The following TNFSF11 variants were observed in gnomAD, a reference collection of about 807,000 sequenced individuals.
TNFSF11 encodes the protein tumor necrosis factor ligand superfamily member 11.
In TNFSF11, 12 loss-of-function variants were observed where a neutral mutation model predicts 32.2. The ratio of observed to expected loss-of-function variants is 0.37; its 90% confidence interval spans 0.24 to 0.60. The LOEUF is 0.60. Ranked by LOEUF, TNFSF11 falls within the 20% of genes least tolerant of loss-of-function variation. The probability of loss-of-function intolerance (pLI) is 0.66; values close to 1 mark genes in which losing one functional copy is unlikely to be tolerated. For synonymous variants in TNFSF11, 172 were observed against 152.1 expected, an observed-to-expected ratio of 1.13 and a Z score of -0.96; for missense variants, 345 against 398.0, an observed-to-expected ratio of 0.87 and a Z score of 1.13.
chr13:42,574,591 G>C, intron 1 of TNFSF11, 69 bp downstream of exon 1: 1 of 1,548,814 alleles, frequency 6.5e-7, no homozygotes. Context: ...CTTGGAAACT[G>C]AGTCTGGCGG....
In TNFSF11 at chr13:42,606,980, C is replaced by A; in HGVS notation, c.*62C>A. ...TTTGGAAACATTTTTTAAAACAAGCCAAGAAAGATGTATATAGGTGTGTGA... is the reference window on the plus strand; with the variant it reads ...TTTGGAAACATTTTTTAAAACAAGCAAAGAAAGATGTATATAGGTGTGTGA... On this transcript the variant is annotated 3_prime_UTR_variant, in exon 5 of 5. Transcript: ENST00000398795. The A allele has an allele frequency of 1.9e-6, 3 of 1,599,856 alleles. No homozygotes were observed. The highest frequency in any genetic ancestry group is 1.7e-6 in the Non-Finnish European group (2 of 1,170,434).
intron 2 of TNFSF11, among the ~76,000 whole-genome samples, chr13:42,593,448 A>G (rs1478186434): frequency 6.6e-6 from 1 of 152,124 alleles, no homozygotes; most frequent in Non-Finnish European, 1.5e-5. Context: ...CAGGAAGAGG[A>G]GGTAGGAAGC....
chr13:42,600,640 C>A, intron 2 of TNFSF11, 112 bp from the exon 3 acceptor site: 1 of 1,180,952 alleles, frequency 8.5e-7, no homozygotes, highest in Non-Finnish European at 1.2e-6. Flanking sequence ...TACTATGGCA[C>A]CTTTGGAAGG....
chr13:42,599,673 G>T (rs571467988), intron 2 of TNFSF11, among the ~76,000 whole-genome samples: 1 of 152,036 alleles, frequency 6.6e-6, no homozygotes, highest in South Asian at 2.1e-4. Context: ...CGGTTCAAGC[G>T]ATTCGCCTGC....
intron 2 of TNFSF11, among the ~76,000 whole-genome samples, chr13:42,568,742 C>T (rs1422062191): frequency 2.0e-5 from 3 of 152,162 alleles, no homozygotes; most frequent in South Asian, 2.1e-4. Flanking sequence ...ACAAAGCCCA[C>T]CAGTTTCATA....
upstream of TNFSF11, among the ~76,000 whole-genome samples, chr13:42,571,978 C>T (rs78468915): frequency 7.8e-3 from 1,186 of 152,264 alleles, 16 homozygotes; most frequent in African/African-American, 0.026. Flanking sequence ...AATAATACAG[C>T]AAGAGTCGTT....
At chr13:42,589,095 G>T (rs1295812480) in intron 2 of TNFSF11, among the ~76,000 whole-genome samples, 2 of 152,082 alleles carry the variant, frequency 1.3e-5, no homozygotes, top group South Asian at 2.1e-4. Context: ...AAACCCTAAG[G>T]CTCATATTCA....
At chr13:42,584,232 G>T (rs181272366) in intron 2 of TNFSF11, among the ~76,000 whole-genome samples, 23 of 152,332 alleles carry the variant, frequency 1.5e-4, no homozygotes, top group Non-Finnish European at 2.6e-4. Context: ...GGCTTACTGT[G>T]TGTCTCTCTG....
At chr13:42,594,183 G>C (rs553557105) in intron 2 of TNFSF11, among the ~76,000 whole-genome samples, 2 of 151,928 alleles carry the variant, frequency 1.3e-5, no homozygotes, top group African/African-American at 4.8e-5. Context: ...GGGCTCAAGC[G>C]ATCTCGTGCC....
chr13:42,606,034 C>T (rs1435390062), intron 4 of TNFSF11, among the ~76,000 whole-genome samples: 1 of 152,174 alleles, frequency 6.6e-6, no homozygotes, highest in Non-Finnish European at 1.5e-5. Flanking sequence ...TTCCTTCAAC[C>T]TGGAATGACC....
At chr13:42,575,108 G>A (rs574416440) in intron 1 of TNFSF11, among the ~76,000 whole-genome samples, 1 of 152,328 alleles carries the variant, frequency 6.6e-6, no homozygotes, top group South Asian at 2.1e-4. Context: ...CGCGACCAGA[G>A]AGGCGCGGGC....
chr13:42,574,582 T>C (rs1189195787), intron 1 of TNFSF11, 60 bp downstream of exon 1: 2 of 1,567,658 alleles, frequency 1.3e-6, no homozygotes, highest in Non-Finnish European at 1.7e-6. Flanking sequence ...TCCCCCGCAC[T>C]TGGAAACTGA....
At chr13:42,576,158 G>A (rs969373757) in intron 1 of TNFSF11, among the ~76,000 whole-genome samples, 1 of 152,206 alleles carries the variant, frequency 6.6e-6, no homozygotes, top group African/African-American at 2.4e-5. Flanking sequence ...TAACACCTTC[G>A]GGATATGGCA....
chr13:42,574,584 G>T, intron 1 of TNFSF11, 62 bp downstream of exon 1: 1 of 1,564,908 alleles, frequency 6.4e-7, no homozygotes, highest in South Asian at 1.2e-5. Flanking sequence ...CCCCGCACTT[G>T]GAAACTGAGT....
chr13:42,583,171 G>A (rs1215106514), intron 2 of TNFSF11, among the ~76,000 whole-genome samples: 1 of 151,966 alleles, frequency 6.6e-6, no homozygotes, highest in African/African-American at 2.4e-5. Context: ...AGCACTTTGG[G>A]AGGCCGAGGT....
Position 42,574,432 on chromosome 13 carries a change from C to G in TNFSF11, c.129C>G (p.Ala43=). Residue 43 remains alanine, a synonymous_variant, in exon 1 of 5, where the codon GCC becomes GCG. Transcript: ENST00000398795. ...CGCCTGCGCCGCACCAGCCCCCTGC[C>G]GCCTCCCGCTCCATGTTCGTGGCCC... ...PPPPAPHQPP[A]ASRSMFVALL... 6.2e-7 allele frequency: 1 copy of G among 1,602,862 alleles called. No individual in the cohort carries two copies. Among genetic ancestry groups the G allele is most frequent in the Non-Finnish European group, 8.5e-7 (1 of 1,177,682 alleles).
At position 42,574,228 on chromosome 13, in the gene TNFSF11, T is replaced by C. The variant is rs1390004317; in HGVS notation, c.-76T>C. On this transcript the variant is annotated 5_prime_UTR_variant, in exon 1 of 5. Coordinates refer to ENST00000398795, the MANE Select transcript of TNFSF11 (RefSeq NM_003701.4). ...CCCACGTCGAGGCTCCGCCGCAGCC[T>C]CCGGAGTTGGCCGCAGACAAGAAGG... 1 of 1,522,122 alleles carries C rather than the reference T, an allele frequency of 6.6e-7. No homozygotes were observed. Among genetic ancestry groups the C allele is most frequent in the South Asian group, 1.2e-5 (1 of 82,970 alleles). 94.3% of individuals were successfully genotyped at this position (1,522,122 alleles called of 1,614,324 possible). A position where few individuals can be genotyped will look rare whatever the true frequency, so the allele number is the denominator to read the frequency against.
upstream of TNFSF11, among the ~76,000 whole-genome samples, chr13:42,571,352 GTTTTAT>G (rs1873061088): frequency 6.9e-6 from 1 of 145,908 alleles, no homozygotes; most frequent in African/African-American, 2.6e-5. Context: ...CTATTGGAGA[GTTTTAT>G]TTTTATTTTT....
At chr13:42,567,828 T>G (rs567730730) in intron 2 of TNFSF11, among the ~76,000 whole-genome samples, 1 of 152,330 alleles carries the variant, frequency 6.6e-6, no homozygotes, top group East Asian at 1.9e-4. Flanking sequence ...ACTTAACAAA[T>G]AAACGATGTT....
Sources: allele counts gnomAD v4.1 joint callset (sites outside exome capture counted in the v4.1 genomes callset), GRCh38; gene constraint gnomAD v4.1.1; transcripts MANE v1.5; gene names NCBI Gene and HGNC (gene_info 2026-07-23, HGNC 2026-07-21).